Variants in CHRM3 observed in about 807,000 individuals in gnomAD.
The protein encoded by CHRM3 is cholinergic receptor muscarinic 3, also known as muscarinic acetylcholine receptor M3.
In CHRM3, 11 loss-of-function variants were observed where a neutral mutation model predicts 41.8. That is an observed-to-expected ratio of 0.26 (90% CI 0.17 to 0.44). The LOEUF (loss-of-function observed/expected upper bound fraction) is 0.44, where lower values mean the gene tolerates loss of function less well. Ranked by LOEUF, CHRM3 falls within the 20% of genes least tolerant of loss-of-function variation. The pLI, the probability that CHRM3 is intolerant of heterozygous loss-of-function variation, is 1.00. For missense variants in CHRM3, 571 were observed against 745.4 expected, an observed-to-expected ratio of 0.77 and a Z score of 2.72; for synonymous variants, 297 against 301.4, an observed-to-expected ratio of 0.99 and a Z score of 0.15.
chr1:239,568,694 TCTGCTCTTTTTCCTCAGCCTCCC>T (rs1393093446), intron 3 of CHRM3, among the ~76,000 whole-genome samples: 18 of 152,128 alleles, frequency 1.2e-4, no homozygotes, highest in South Asian at 4.2e-4. Context: ...CTCAGCCTCC[TCTGCTCTTTTTCCTCAGCCTCCC>T]CTCTTCTTCC....
intron 1 of CHRM3, among the ~76,000 whole-genome samples, chr1:239,388,058 G>C (rs1032549524): frequency 6.6e-6 from 1 of 152,158 alleles, no homozygotes; most frequent in African/African-American, 2.4e-5. Context: ...TTGAGATCCT[G>C]TTCTGCATGC....
intron 5 of CHRM3, among the ~76,000 whole-genome samples, chr1:239,682,959 T>C (rs1658714037): frequency 6.6e-6 from 1 of 152,146 alleles, no homozygotes; most frequent in Admixed American, 6.6e-5. Flanking sequence ...ATTTAGCATA[T>C]CATGTCACCT....
At chr1:239,618,429 A>G (rs926395829) in intron 3 of CHRM3, among the ~76,000 whole-genome samples, 1 of 150,388 alleles carries the variant, frequency 6.6e-6, no homozygotes, top group Non-Finnish European at 1.5e-5. Context: ...CTCATCTGCT[A>G]GGAGGTTTGT....
At chr1:239,735,843 A>G (rs1572134636) in intron 5 of CHRM3, among the ~76,000 whole-genome samples, 1 of 152,284 alleles carries the variant, frequency 6.6e-6, no homozygotes, top group East Asian at 1.9e-4. Flanking sequence ...ATGCTAAAGT[A>G]ATTTAGCAGC....
chr1:239,816,392 TATTA>T (rs1671590246), intron 5 of CHRM3, among the ~76,000 whole-genome samples: 2 of 152,234 alleles, frequency 1.3e-5, no homozygotes, highest in South Asian at 4.1e-4. Context: ...TGAGAAGCTT[TATTA>T]ATAACTTCTG....
intron 5 of CHRM3, among the ~76,000 whole-genome samples, chr1:239,781,812 C>T (rs1243654056): frequency 6.6e-6 from 1 of 152,000 alleles, no homozygotes; most frequent in African/African-American, 2.4e-5. Context: ...TTTACTGGGA[C>T]TTTTATCATG....
chr1:239,534,297 G>A (rs1207320071), intron 2 of CHRM3, among the ~76,000 whole-genome samples: 1 of 152,222 alleles, frequency 6.6e-6, no homozygotes, highest in East Asian at 1.9e-4. Flanking sequence ...CTGCACTTCA[G>A]CCTGGGTGAC....
At chr1:239,433,873 T>G (rs536292371) in intron 1 of CHRM3, among the ~76,000 whole-genome samples, 1 of 152,296 alleles carries the variant, frequency 6.6e-6, no homozygotes, top group South Asian at 2.1e-4. Flanking sequence ...TCCATGGGCA[T>G]TTGGGCTGGT....
At chr1:239,522,698 G>A (rs188446835) in intron 2 of CHRM3, among the ~76,000 whole-genome samples, 5 of 152,224 alleles carry the variant, frequency 3.3e-5, no homozygotes, top group East Asian at 3.9e-4. Context: ...AGGCAGATGC[G>A]TTTAGACTTC....
intron 4 of CHRM3, among the ~76,000 whole-genome samples, chr1:239,671,332 C>A (rs1674346226): frequency 6.6e-6 from 1 of 152,282 alleles, no homozygotes; most frequent in South Asian, 2.1e-4. Flanking sequence ...ATCCCAACAC[C>A]TTGGGAGACC....
At chr1:239,841,602 T>C (rs1185336276) in intron 6 of CHRM3, among the ~76,000 whole-genome samples, 2 of 152,164 alleles carry the variant, frequency 1.3e-5, no homozygotes, top group East Asian at 1.9e-4. Flanking sequence ...GAATCCTAAA[T>C]CCATTGACAG....
intron 5 of CHRM3, among the ~76,000 whole-genome samples, chr1:239,808,287 C>G (rs1294643530): frequency 6.6e-6 from 1 of 152,092 alleles, no homozygotes; most frequent in African/African-American, 2.4e-5. Context: ...ATGTGACCTT[C>G]AGGCAGAGTA....
chr1:239,884,050 G>T (rs145088841), intron 6 of CHRM3, among the ~76,000 whole-genome samples: 11 of 152,328 alleles, frequency 7.2e-5, no homozygotes, highest in Admixed American at 7.2e-4. Context: ...GATCTCAAGA[G>T]AATAGCCAAA....
intron 1 of CHRM3, among the ~76,000 whole-genome samples, chr1:239,419,123 T>G (rs2103088177): frequency 6.6e-6 from 1 of 152,248 alleles, no homozygotes; most frequent in African/African-American, 2.4e-5. Context: ...GGGAAGGAAG[T>G]CAAAGGCAAT....
intron 5 of CHRM3, among the ~76,000 whole-genome samples, chr1:239,781,172 T>C (rs1442873954): frequency 6.6e-6 from 1 of 152,112 alleles, no homozygotes; most frequent in Non-Finnish European, 1.5e-5. Context: ...TGGGATTGTA[T>C]TGAATCTAGA....
intron 6 of CHRM3, among the ~76,000 whole-genome samples, chr1:239,890,369 G>A (rs1413138211): frequency 6.6e-6 from 1 of 151,608 alleles, no homozygotes; most frequent in African/African-American, 2.4e-5. Flanking sequence ...AAGAAAAATG[G>A]AGAGTGTGTT....
intron 5 of CHRM3, among the ~76,000 whole-genome samples, chr1:239,759,837 G>A (rs560088341): frequency 7.0e-4 from 106 of 152,244 alleles, no homozygotes; most frequent in Non-Finnish European, 1.1e-3. Context: ...GAGAAGCTTC[G>A]CTGAATCATC....
At chr1:239,642,594 C>A (rs1270362901) in intron 4 of CHRM3, among the ~76,000 whole-genome samples, 1 of 152,166 alleles carries the variant, frequency 6.6e-6, no homozygotes, top group Non-Finnish European at 1.5e-5. Flanking sequence ...ACATAGTTCT[C>A]GAGCCTTGGC....
chr1:239,622,874 C>T (rs1455407984), intron 3 of CHRM3, among the ~76,000 whole-genome samples: 2 of 152,136 alleles, frequency 1.3e-5, no homozygotes, highest in Admixed American at 1.3e-4. Context: ...TCACATGCAA[C>T]TTGAGGATGT....
Sources: allele counts gnomAD v4.1 joint callset (sites outside exome capture counted in the v4.1 genomes callset), GRCh38; gene constraint gnomAD v4.1.1; transcripts MANE v1.5; gene names NCBI Gene and HGNC (gene_info 2026-07-23, HGNC 2026-07-21).